Variants in SPAG9 observed in about 807,000 individuals in gnomAD.
SPAG9 encodes the protein C-Jun-amino-terminal kinase-interacting protein 4.
SPAG9 carries 35 observed loss-of-function variants against 166.5 expected under a neutral mutation model. The ratio of observed to expected loss-of-function variants is 0.21; its 90% confidence interval spans 0.16 to 0.28. The LOEUF (loss-of-function observed/expected upper bound fraction) is 0.28, where lower values mean the gene tolerates loss of function less well. Ranked by LOEUF, SPAG9 falls within the 10% of genes least tolerant of loss-of-function variation. The probability of loss-of-function intolerance (pLI) is 1.00; values close to 1 mark genes in which losing one functional copy is unlikely to be tolerated. For missense variants in SPAG9, 1,235 were observed against 1,603.3 expected (o/e 0.77, Z 3.92); for synonymous variants, 534 against 565.5 (o/e 0.94, Z 0.79).
intron 1 of SPAG9, among the ~76,000 whole-genome samples, chr17:51,089,620 TTA>T (rs746370783): frequency 0.14 from 5,505 of 40,194 alleles, 312 homozygotes; most frequent in Middle Eastern, 0.2. Context: ...ACACTTTATT[TTA>T]TATATATATA....
intron 13 of SPAG9, among the ~76,000 whole-genome samples, chr17:50,999,959 G>A (rs2044859063): frequency 6.6e-6 from 1 of 152,100 alleles, no homozygotes; most frequent in Admixed American, 6.5e-5. Context: ...TACCGACAGA[G>A]GACTGTAATA....
intron 1 of SPAG9, chr17:51,085,385 C>T (rs768940740): frequency 3.3e-5 from 5 of 152,236 alleles, no homozygotes; most frequent in Admixed American, 1.3e-4. Context: ...CCACAGAATA[C>T]GACAATTCCA....
At chr17:51,081,793 G>C (rs909376131) in intron 1 of SPAG9, among the ~76,000 whole-genome samples, 2 of 151,390 alleles carry the variant, frequency 1.3e-5, no homozygotes, top group African/African-American at 4.9e-5. Context: ...ACGCTCTAGT[G>C]GTTTAAATTC....
At chr17:50,983,005 T>C (rs1343833531) in intron 24 of SPAG9, among the ~76,000 whole-genome samples, 1 of 152,200 alleles carries the variant, frequency 6.6e-6, no homozygotes. Context: ...TAAGGTTATT[T>C]TGGGAATAAC....
chr17:51,072,905 T>G (rs2047863120), intron 2 of SPAG9, among the ~76,000 whole-genome samples: 1 of 152,172 alleles, frequency 6.6e-6, no homozygotes, highest in African/African-American at 2.4e-5. Context: ...AATAAGAAGT[T>G]TTTAGGCTGT....
intron 2 of SPAG9, among the ~76,000 whole-genome samples, chr17:51,062,965 T>C (rs1018452266): frequency 6.6e-6 from 1 of 152,218 alleles, no homozygotes; most frequent in African/African-American, 2.4e-5. Context: ...TAGATTACCA[T>C]AGTTTATGCC....
intron 18 of SPAG9, 132 bp from the exon 19 acceptor site, chr17:50,994,067 ACCACTGATGTGGTTTGGCTGCGT>A: frequency 1.2e-6 from 1 of 859,632 alleles, no homozygotes; most frequent in South Asian, 1.8e-5. Context: ...TAAAAATACA[ACCACTGATGTGGTTTGGCTGCGT>A]CCCTACCCAA....
intron 2 of SPAG9, among the ~76,000 whole-genome samples, chr17:51,064,687 G>A (rs1253743375): frequency 6.6e-6 from 1 of 152,172 alleles, no homozygotes; most frequent in African/African-American, 2.4e-5. Context: ...CAGGGACAAG[G>A]GGAAGCAGAA....
At chr17:51,109,516 T>G (rs868710283) in intron 1 of SPAG9, among the ~76,000 whole-genome samples, 29 of 152,276 alleles carry the variant, frequency 1.9e-4, no homozygotes, top group African/African-American at 7.0e-4. Flanking sequence ...ATTACAGGCG[T>G]GAGCCACTGC....
chr17:50,982,100 C>T (rs2143729859), intron 25 of SPAG9, among the ~76,000 whole-genome samples: 1 of 151,744 alleles, frequency 6.6e-6, no homozygotes, highest in South Asian at 2.1e-4. Flanking sequence ...TTCATTTTTA[C>T]AACAAATTCC....
chr17:51,085,065 G>A (rs1267888833), intron 1 of SPAG9, among the ~76,000 whole-genome samples: 1 of 151,804 alleles, frequency 6.6e-6, no homozygotes, highest in Non-Finnish European at 1.5e-5. Flanking sequence ...TGGCAAGGCT[G>A]GTCTCCAACT....
At chr17:51,001,956 C>T in intron 12 of SPAG9, 111 bp from the exon 13 acceptor site, 1 of 934,952 alleles carries the variant, frequency 1.1e-6, no homozygotes, top group Middle Eastern at 2.5e-4. Context: ...AATTTTTAAT[C>T]TAGTAGATCA....
At chr17:51,116,943 C>T (rs2049305618) in intron 1 of SPAG9, among the ~76,000 whole-genome samples, 1 of 152,088 alleles carries the variant, frequency 6.6e-6, no homozygotes, top group Admixed American at 6.6e-5. Flanking sequence ...TGGGCAAAGG[C>T]ATCAGACGGG....
rs1443540932 is a variant in SPAG9 at position 51,001,817 on chromosome 17, C to T, written c.1505G>A (p.Arg502Gln). 2 of 1,613,494 alleles carry T rather than the reference C, an allele frequency of 1.2e-6. No homozygotes were observed. Among genetic ancestry groups the T allele is most frequent in the Non-Finnish European group, 1.7e-6 (2 of 1,179,632 alleles). The change falls in exon 13 of 30, where the codon CGG becomes CAG. Residue 502 changes from arginine to glutamine, a missense_variant. Transcript: ENST00000262013. ...ACGGGCCATTTCTACTCTAGTAAAC[C>T]GTTTCCTCTGGGCTGTGGGAATATC... is the stretch of plus-strand genomic sequence containing the variant. ...DSDIPTAQRK[R>Q]FTRVEMARVL...
chr17:51,024,854 C>T (rs1225659392), intron 6 of SPAG9, among the ~76,000 whole-genome samples: 1 of 151,252 alleles, frequency 6.6e-6, no homozygotes, highest in Non-Finnish European at 1.5e-5. Flanking sequence ...ATGTATTGTA[C>T]ACTTAAAATT....
chr17:51,078,561 A>G (rs2048078504), intron 2 of SPAG9, among the ~76,000 whole-genome samples: 1 of 152,002 alleles, frequency 6.6e-6, no homozygotes, highest in Non-Finnish European at 1.5e-5. Flanking sequence ...AAAAGCAGAG[A>G]ATTGTCTGCC....
intron 5 of SPAG9, among the ~76,000 whole-genome samples, chr17:51,038,242 A>G (rs2144364764): frequency 6.6e-6 from 1 of 152,276 alleles, no homozygotes; most frequent in Middle Eastern, 3.4e-3. Context: ...CAAATTTGTG[A>G]GCACTGATGC....
intron 5 of SPAG9, among the ~76,000 whole-genome samples, chr17:51,038,122 T>C (rs2046692218): frequency 6.6e-6 from 1 of 152,130 alleles, no homozygotes; most frequent in African/African-American, 2.4e-5. Context: ...AGGGTATTTT[T>C]ACTAGTGGTA....
intron 2 of SPAG9, among the ~76,000 whole-genome samples, chr17:51,066,801 G>A (rs1199574704): frequency 5.3e-5 from 8 of 151,234 alleles, no homozygotes; most frequent in Non-Finnish European, 8.9e-5. Flanking sequence ...CTGAGGCAGG[G>A]GAATCGCTTG....
Sources: allele counts gnomAD v4.1 joint callset (sites outside exome capture counted in the v4.1 genomes callset), GRCh38; gene constraint gnomAD v4.1.1; transcripts MANE v1.5; gene names NCBI Gene and HGNC (gene_info 2026-07-23, HGNC 2026-07-21).